The following ATP6V1H variants were observed in gnomAD, a reference collection of about 807,000 sequenced individuals.
ATP6V1H encodes the protein V-type proton ATPase subunit H.
ATP6V1H carries 39 observed loss-of-function variants against 71.7 expected under a neutral mutation model. The ratio of observed to expected loss-of-function variants is 0.54; its 90% CI spans 0.42 to 0.71. The LOEUF is 0.71. Among genes scored for constraint, ATP6V1H ranks in the 30% least tolerant of loss-of-function variants. The pLI, the probability that ATP6V1H is intolerant of heterozygous loss-of-function variation, is 0.00. For synonymous variants in ATP6V1H, 192 were observed against 199.3 expected (o/e 0.96, Z 0.31); for missense variants, 509 against 594.9 (o/e 0.86, Z 1.50).
Position 53,841,626 on chromosome 8 carries a change from T to C in ATP6V1H, c.65A>G (p.Lys22Arg). Residue 22 changes from lysine (K) to arginine (R), a missense_variant, in exon 2 of 14, where the codon AAG becomes AGG. Lys to Arg is a conservative substitution (Grantham distance 26). This residue lies in a region of ATP6V1H where 297 missense variants were observed against 303.3 expected (regional missense o/e 0.98). Coordinates refer to ENST00000359530, the MANE Select transcript of ATP6V1H (RefSeq NM_015941.4). ...TTTGTTTGCACGAACTTCTGCAGCC[T>C]TGGCAGCAATAATATTGGTGGGGAC... is the stretch of plus-strand genomic sequence containing the variant. ...AAVPTNIIAA[K>R]AAEVRANKVN... is the part of the protein sequence containing the mutation. The C allele has an allele frequency of 6.2e-7, 1 of 1,614,178 alleles. No individual in the cohort carries two copies. Among genetic ancestry groups the C allele is most frequent in the Non-Finnish European group, 8.5e-7 (1 of 1,179,990 alleles).
chr8:53,827,163 C>T (rs1051529765), intron 4 of ATP6V1H, among the ~76,000 whole-genome samples: 1 of 151,890 alleles, frequency 6.6e-6, no homozygotes, highest in African/African-American at 2.4e-5. Flanking sequence ...GGGCAGATCA[C>T]CTAAGGTCAG....
intron 9 of ATP6V1H, among the ~76,000 whole-genome samples, chr8:53,773,656 G>C (rs1192483771): frequency 6.6e-6 from 1 of 152,154 alleles, no homozygotes; most frequent in Non-Finnish European, 1.5e-5. Context: ...TAAGGCTGGG[G>C]GGAGCCCCAG....
rs542245519 is a variant in ATP6V1H at position 53,836,622 on chromosome 8, C to T, written c.114-3536G>A. Among the ~76,000 whole-genome samples, 345 of 152,280 alleles carry T rather than the reference C, an allele frequency of 2.3e-3. 1 individual carries two copies. Among genetic ancestry groups the T allele is most frequent in the African/African-American group, 7.8e-3 (324 of 41,554 alleles). On this transcript the variant is annotated intron_variant, in intron 2 of 13. Coordinates refer to ENST00000359530, the MANE Select transcript of ATP6V1H (RefSeq NM_015941.4). ...ACAACCTTCCACCAGTGGATTTCCC[C>T]GCATCCAATTCAACCTTCTTCAAAA...
chr8:53,799,263 TATC>T (rs1158506065), intron 8 of ATP6V1H, among the ~76,000 whole-genome samples: 9 of 152,198 alleles, frequency 5.9e-5, no homozygotes, highest in Admixed American at 5.9e-4. Flanking sequence ...TATATTATTT[TATC>T]ATTATTCATT....
At chr8:53,752,376 T>C (rs576220117) in intron 12 of ATP6V1H, among the ~76,000 whole-genome samples, 3 of 152,308 alleles carry the variant, frequency 2.0e-5, no homozygotes, top group African/African-American at 7.2e-5. Flanking sequence ...ACTGAGTGTC[T>C]GATGAAGTGC....
chr8:53,725,333 A>G (rs962195442), intron 13 of ATP6V1H, among the ~76,000 whole-genome samples: 25 of 152,270 alleles, frequency 1.6e-4, no homozygotes, highest in Non-Finnish European at 3.4e-4. Context: ...CTCACCAACA[A>G]GAAGGCCCTC....
chr8:53,778,955 TAAA>T (rs991296600), intron 9 of ATP6V1H, among the ~76,000 whole-genome samples: 3 of 152,176 alleles, frequency 2.0e-5, no homozygotes, highest in African/African-American at 7.2e-5. Context: ...TTACCAGTGA[TAAA>T]GAAGGATATT....
chr8:53,823,261 T>A (rs1222102619), intron 4 of ATP6V1H, among the ~76,000 whole-genome samples: 2 of 152,158 alleles, frequency 1.3e-5, no homozygotes, highest in East Asian at 1.9e-4. Flanking sequence ...ATCAGTAAAT[T>A]CTATAAAGTA....
chr8:53,781,056 A>G (rs2130360959), intron 9 of ATP6V1H, among the ~76,000 whole-genome samples: 1 of 152,364 alleles, frequency 6.6e-6, no homozygotes, highest in Middle Eastern at 3.4e-3. Flanking sequence ...GTATATACCC[A>G]GTAATGGGAT....
intron 9 of ATP6V1H, among the ~76,000 whole-genome samples, chr8:53,790,004 T>C (rs1809516974): frequency 6.6e-6 from 1 of 152,198 alleles, no homozygotes; most frequent in Non-Finnish European, 1.5e-5. Context: ...CCTAACAGTT[T>C]AGCAGTTACA....
chr8:53,774,422 G>C (rs1392846038), intron 9 of ATP6V1H, among the ~76,000 whole-genome samples: 3 of 152,138 alleles, frequency 2.0e-5, no homozygotes, highest in Non-Finnish European at 4.4e-5. Flanking sequence ...GTTATCTTAA[G>C]TCAGAAAAAC....
intron 10 of ATP6V1H, among the ~76,000 whole-genome samples, chr8:53,770,353 G>GA: frequency 6.6e-6 from 1 of 152,106 alleles, no homozygotes; most frequent in East Asian, 1.9e-4. Context: ...CCATTCACTG[G>GA]ATAGTAACTT....
intron 4 of ATP6V1H, among the ~76,000 whole-genome samples, chr8:53,823,394 A>T (rs931833359): frequency 6.6e-6 from 1 of 152,266 alleles, no homozygotes; most frequent in Non-Finnish European, 1.5e-5. Flanking sequence ...AACTGGATTA[A>T]GAAAAACCTA....
At chr8:53,807,173 C>T (rs953734128) in intron 7 of ATP6V1H, among the ~76,000 whole-genome samples, 2 of 152,180 alleles carry the variant, frequency 1.3e-5, no homozygotes, top group African/African-American at 4.8e-5. Context: ...AGAAGTCTTC[C>T]ACCTCTTCTG....
chr8:53,748,813 A>G (rs1807696762), intron 12 of ATP6V1H, among the ~76,000 whole-genome samples: 2 of 152,186 alleles, frequency 1.3e-5, no homozygotes. Context: ...AGAGTTTGTT[A>G]CTTTTCATGA....
At chr8:53,731,050 C>G in intron 13 of ATP6V1H, among the ~76,000 whole-genome samples, 1 of 152,160 alleles carries the variant, frequency 6.6e-6, no homozygotes, top group Middle Eastern at 3.2e-3. Flanking sequence ...TCAAAGGATG[C>G]CTTCTGGTGT....
At chr8:53,767,158 G>A (rs1808500164) in intron 11 of ATP6V1H, among the ~76,000 whole-genome samples, 1 of 152,120 alleles carries the variant, frequency 6.6e-6, no homozygotes, top group African/African-American at 2.4e-5. Flanking sequence ...AAATAGAAAA[G>A]AACCTACGTG....
At chr8:53,819,547 C>CATACATATAT (rs1810564943) in intron 4 of ATP6V1H, among the ~76,000 whole-genome samples, 3 of 35,136 alleles carry the variant, frequency 8.5e-5, no homozygotes, top group African/African-American at 3.5e-4. Context: ...AAAAAAAAAG[C>CATACATATAT]ATATATATAT....
chr8:53,765,915 A>C (rs1002714634), intron 11 of ATP6V1H, among the ~76,000 whole-genome samples: 2 of 152,246 alleles, frequency 1.3e-5, no homozygotes, highest in African/African-American at 4.8e-5. Flanking sequence ...TACTCAAAAG[A>C]ATGTGGTATT....
Sources: allele counts gnomAD v4.1 joint callset (sites outside exome capture counted in the v4.1 genomes callset), GRCh38; gene constraint gnomAD v4.1.1; regional missense constraint gnomAD v4.1.1; transcripts MANE v1.5; gene names NCBI Gene and HGNC (gene_info 2026-07-23, HGNC 2026-07-21).